The following PRKCH variants were observed in gnomAD, a reference collection of about 807,000 sequenced individuals.
PRKCH encodes protein kinase C eta type.
PRKCH carries 28 observed loss-of-function variants against 82.5 expected under a neutral mutation model. The ratio of observed to expected loss-of-function variants is 0.34; its 90% CI spans 0.25 to 0.47. The LOEUF is 0.47. Ranked by LOEUF, PRKCH falls within the 20% of genes least tolerant of loss-of-function variation. The pLI, the probability that PRKCH is intolerant of heterozygous loss-of-function variation, is 1.00. For synonymous variants in PRKCH, 322 were observed against 327.4 expected, an observed-to-expected ratio of 0.98 and a Z score of 0.18; for missense variants, 705 against 881.8, an observed-to-expected ratio of 0.80 and a Z score of 2.54.
rs756874616 is a variant in PRKCH at position 61,322,178 on chromosome 14, G to T, written c.77G>T (p.Arg26Leu). The change falls in exon 1 of 14, where the codon CGC becomes CTC. Residue 26 changes from arginine (R) to leucine (L), a missense_variant. By Grantham distance (102) the Arg-to-Leu change is moderately radical. Coordinates refer to ENST00000332981, the MANE Select transcript of PRKCH (RefSeq NM_006255.5). ...IGEAVGLQPT[R>L]WSLRHSLFKK... ...GAGGCAGTGGGGCTGCAGCCCACCC[G>T]CTGGTCCCTGCGCCACTCGCTCTTC... 2 of 1,611,118 alleles carry T rather than the reference G, an allele frequency of 1.2e-6. No homozygotes were observed. Among genetic ancestry groups the T allele is most frequent in the Admixed American group, 3.3e-5 (2 of 59,762 alleles).
chr14:61,279,930 C>T (rs1033093966), intron 1 of PRKCH: 7 of 641,090 alleles, frequency 1.1e-5, no homozygotes, highest in Non-Finnish European at 1.9e-5. Flanking sequence ...GTCTAGCAGC[C>T]CCCCAAGAGC....
At chr14:61,215,649 T>G (rs549883476) in intron 1 of PRKCH, among the ~76,000 whole-genome samples, 12 of 152,350 alleles carry the variant, frequency 7.9e-5, no homozygotes, top group Admixed American at 4.6e-4. Flanking sequence ...AATAGGTATT[T>G]GATAAGTGCT....
intron 10 of PRKCH, among the ~76,000 whole-genome samples, chr14:61,514,267 T>C (rs2042788976): frequency 6.8e-6 from 1 of 147,178 alleles, no homozygotes; most frequent in African/African-American, 2.5e-5. Context: ...TAAATTCATG[T>C]AAATCCTGTT....
intron 1 of PRKCH, among the ~76,000 whole-genome samples, chr14:61,302,328 C>A (rs375181714): frequency 1.5e-4 from 23 of 152,312 alleles, no homozygotes; most frequent in African/African-American, 5.3e-4. Context: ...CACAGTCCTT[C>A]TGAAGCAGGA....
At chr14:61,511,653 G>T (rs932504869) in intron 10 of PRKCH, among the ~76,000 whole-genome samples, 2 of 152,258 alleles carry the variant, frequency 1.3e-5, no homozygotes, top group Admixed American at 1.3e-4. Flanking sequence ...TGGCATAAAT[G>T]CTTCTTGTGG....
chr14:61,411,505 A>G (rs970166886), intron 2 of PRKCH, among the ~76,000 whole-genome samples: 1 of 152,210 alleles, frequency 6.6e-6, no homozygotes, highest in Non-Finnish European at 1.5e-5. Context: ...TGGACAAAAT[A>G]AATGAAACAA....
intron 2 of PRKCH, among the ~76,000 whole-genome samples, chr14:61,438,090 C>G (rs1364062470): frequency 1.3e-5 from 2 of 152,058 alleles, no homozygotes; most frequent in Non-Finnish European, 2.9e-5. Flanking sequence ...GGAACATATC[C>G]TTTATGTTCT....
intron 12 of PRKCH, among the ~76,000 whole-genome samples, chr14:61,536,348 A>G (rs533802814): frequency 6.6e-6 from 1 of 152,280 alleles, no homozygotes; most frequent in Admixed American, 6.5e-5. Context: ...CCAGAGAAGG[A>G]GAGAATCCTC....
intron 1 of PRKCH, among the ~76,000 whole-genome samples, chr14:61,201,434 G>A (rs997281083): frequency 6.6e-6 from 1 of 152,002 alleles, no homozygotes; most frequent in African/African-American, 2.4e-5. Context: ...TATCCAATCA[G>A]CAATAAATTA....
At chr14:61,198,985 G>A (rs2044460175) in intron 1 of PRKCH, among the ~76,000 whole-genome samples, 1 of 152,160 alleles carries the variant, frequency 6.6e-6, no homozygotes, top group African/African-American at 2.4e-5. Context: ...GCAAGGCTGA[G>A]GGATGGGGGA....
At chr14:61,213,182 C>T (rs981080613) in intron 1 of PRKCH, among the ~76,000 whole-genome samples, 3 of 152,224 alleles carry the variant, frequency 2.0e-5, no homozygotes, top group South Asian at 2.1e-4. Flanking sequence ...TTTGGATGTG[C>T]GTGTTTGTCT....
chr14:61,241,548 A>G (rs1398915069), intron 1 of PRKCH, among the ~76,000 whole-genome samples: 1 of 151,420 alleles, frequency 6.6e-6, no homozygotes, highest in Admixed American at 6.6e-5. Context: ...ATACAAAAAG[A>G]CATTGCTTTG....
At chr14:61,200,411 T>TGTGTGTG (rs1555368618) in intron 1 of PRKCH, among the ~76,000 whole-genome samples, 138 of 145,828 alleles carry the variant, frequency 9.5e-4, no homozygotes, top group African/African-American at 3.4e-3. Flanking sequence ...GTGTGTGTGT[T>TGTGTGTG]TGTGTGTTAC....
At chr14:61,378,348 G>A (rs183596586) in intron 1 of PRKCH, among the ~76,000 whole-genome samples, 16 of 152,084 alleles carry the variant, frequency 1.1e-4, no homozygotes, top group African/African-American at 3.9e-4. Flanking sequence ...AAGTAGCTGG[G>A]ATTACAAGCA....
chr14:61,428,453 TA>T (rs1376905834), intron 2 of PRKCH, among the ~76,000 whole-genome samples: 1 of 152,194 alleles, frequency 6.6e-6, no homozygotes, highest in African/African-American at 2.4e-5. Context: ...GGGTTTTTTT[TA>T]ATCCCCTTGG....
chr14:61,230,922 C>T (rs568611704), intron 1 of PRKCH, among the ~76,000 whole-genome samples: 2 of 152,304 alleles, frequency 1.3e-5, no homozygotes, highest in South Asian at 2.1e-4. Flanking sequence ...TTCTTCTACC[C>T]CAGGGTGTCC....
intron 1 of PRKCH, among the ~76,000 whole-genome samples, chr14:61,271,071 GTT>G (rs2045148645): frequency 6.6e-6 from 1 of 152,158 alleles, no homozygotes; most frequent in Non-Finnish European, 1.5e-5. Flanking sequence ...TCTCCAGACT[GTT>G]ATTATCAGTG....
At chr14:61,326,143 C>T (rs763034372) in intron 1 of PRKCH, among the ~76,000 whole-genome samples, 3 of 152,152 alleles carry the variant, frequency 2.0e-5, no homozygotes, top group Admixed American at 6.5e-5. Context: ...AGCTTGTCCA[C>T]GAGTGTTCAT....
intron 1 of PRKCH, chr14:61,305,053 A>G (rs1203078159): frequency 6.6e-6 from 1 of 151,036 alleles, no homozygotes; most frequent in Admixed American, 6.6e-5. Flanking sequence ...TATTTTTTGT[A>G]TTTATTCTGC....
Sources: allele counts gnomAD v4.1 joint callset (sites outside exome capture counted in the v4.1 genomes callset), GRCh38; gene constraint gnomAD v4.1.1; transcripts MANE v1.5; gene names NCBI Gene and HGNC (gene_info 2026-07-23, HGNC 2026-07-21).